Variants in CUL2 observed in about 807,000 individuals in gnomAD.
The protein encoded by CUL2 is cullin-2.
A neutral mutation model predicts 110.2 loss-of-function variants in CUL2; 22 were observed. That is an observed-to-expected ratio of 0.20 (90% CI 0.14 to 0.28). The LOEUF is 0.28. Among genes scored for constraint, CUL2 ranks in the 10% least tolerant of loss-of-function variants. The pLI, the probability that CUL2 is intolerant of heterozygous loss-of-function variation, is 1.00. For missense variants in CUL2, 631 were observed against 905.5 expected (o/e 0.70, Z 3.89); for synonymous variants, 279 against 293.2 (o/e 0.95, Z 0.49).
upstream of CUL2, among the ~76,000 whole-genome samples, chr10:35,092,447 A>G (rs1421156904): frequency 6.6e-6 from 1 of 152,220 alleles, no homozygotes; most frequent in African/African-American, 2.4e-5. Context: ...GATGAAGCGG[A>G]AGCATTAATT....
At chr10:35,102,768 G>A (rs988933266) in intron 1 of CUL2, among the ~76,000 whole-genome samples, 3 of 148,460 alleles carry the variant, frequency 2.0e-5, no homozygotes, top group African/African-American at 5.0e-5. Context: ...CTGTAATCCC[G>A]GCTACTCGGG....
chr10:35,042,270 GTGTC>G (rs1470315000), intron 8 of CUL2, among the ~76,000 whole-genome samples: 12 of 152,034 alleles, frequency 7.9e-5, no homozygotes, highest in Non-Finnish European at 1.0e-4. Flanking sequence ...TTGCCCTTTT[GTGTC>G]TGTCTTTTTC....
chr10:35,074,178 CA>C, intron 1 of CUL2: 3 of 1,535,212 alleles, frequency 2.0e-6, no homozygotes, highest in African/African-American at 1.4e-5. Context: ...ATCAAAGACA[CA>C]AAAATAACCT....
intron 8 of CUL2, 132 bp from the exon 9 acceptor site, chr10:35,039,214 G>T: frequency 2.0e-6 from 1 of 494,804 alleles, no homozygotes. Flanking sequence ...GGTTACATAA[G>T]CAATTTAAAC....
intron 17 of CUL2, among the ~76,000 whole-genome samples, chr10:35,019,593 TAA>T (rs894530916): frequency 2.6e-5 from 4 of 152,170 alleles, no homozygotes; most frequent in African/African-American, 9.7e-5. Flanking sequence ...TGGCAAACCC[TAA>T]GAGACTAAAA....
chr10:35,070,859 C>T (rs928653130), intron 2 of CUL2, among the ~76,000 whole-genome samples: 92 of 152,152 alleles, frequency 6.0e-4, no homozygotes, highest in South Asian at 2.1e-4. Flanking sequence ...TCATTTATCA[C>T]GACCTCTTCT....
intron 5 of CUL2, among the ~76,000 whole-genome samples, chr10:35,051,562 G>C (rs1385086683): frequency 1.3e-5 from 2 of 152,172 alleles, no homozygotes; most frequent in African/African-American, 2.4e-5. Context: ...GCAGTGAGCC[G>C]AGATCGTGCC....
intron 17 of CUL2, among the ~76,000 whole-genome samples, chr10:35,018,900 T>C (rs2085115068): frequency 1.3e-5 from 2 of 152,154 alleles, no homozygotes; most frequent in Admixed American, 6.5e-5. Context: ...GAAACATTTT[T>C]CAGAATTATC....
chr10:35,038,923 T>A lies in CUL2; in HGVS notation c.874A>T (p.Asn292Tyr), dbSNP rs201197680. 6.3e-7 allele frequency: 1 copy of A among 1,583,578 alleles called. No individual in the cohort carries two copies. Among genetic ancestry groups the A allele is most frequent in the South Asian group, 1.2e-5 (1 of 85,880 alleles). The part of the protein sequence containing the change: ...CHNIIRQEKK[N>Y]DMANMYVLLR... ...ACTCATGTTTGGTGTCACTTACCATTTTTTTTCTCTTGTCGAATTATATTA... is the reference window on the plus strand; with the variant it reads ...ACTCATGTTTGGTGTCACTTACCATATTTTTTCTCTTGTCGAATTATATTA... Residue 292 changes from asparagine (N) to tyrosine (Y), a missense_variant, in exon 9 of 21, where the codon AAT (asparagine) becomes TAT (tyrosine). Physicochemically the swap from Asn to Tyr is moderately radical, Grantham distance 143 (BLOSUM62 -2). Transcript: ENST00000374749.
chr10:35,010,374 C>A lies in CUL2; in HGVS notation c.2175G>T (p.Leu725=). The A allele has an allele frequency of 6.2e-7, 1 of 1,612,526 alleles. No individual in the cohort carries two copies. The highest frequency in any genetic ancestry group is 8.5e-7 in the Non-Finnish European group (1 of 1,179,370). ...ISMIKKCIEV[L]IDKQYIERSQ... Reference sequence around the variant, plus strand: ...TGCGTTCTATGTATTGTTTGTCTATCAGAACTTCAATACACTTCTTAATCA... The same window carrying A: ...TGCGTTCTATGTATTGTTTGTCTATAAGAACTTCAATACACTTCTTAATCA... The change falls in exon 21 of 21, where the codon CTG becomes CTT. Residue 725 remains leucine (L), a synonymous_variant. Coordinates refer to ENST00000374749, the MANE Select transcript of CUL2 (RefSeq NM_003591.4).
At chr10:35,061,016 T>G (rs1210544784) in intron 3 of CUL2, 48 bp from the exon 4 acceptor site, 1 of 1,549,028 alleles carries the variant, frequency 6.5e-7, no homozygotes, top group East Asian at 2.3e-5. Context: ...ATAATCATTT[T>G]CACTGTCAAC....
Position 35,086,516 on chromosome 10 carries a change from G to A in CUL2, c.-23+3663C>T, listed in dbSNP as rs571593045. ...TGCCCAAGCTGGTCTCAAGCTGCTG[G>A]GCTCAAGTGATCCACCCACCTCAAC... On this transcript the variant is annotated intron_variant, in intron 1 of 20. Coordinates refer to ENST00000374749, the MANE Select transcript of CUL2 (RefSeq NM_003591.4). Among the ~76,000 whole-genome samples the A allele has an allele frequency of 2.0e-5, 3 of 152,108 alleles. No individual in the cohort carries two copies. In the East Asian group the frequency reaches 5.8e-4, roughly 29 times the overall value.
chr10:35,115,297 C>T (rs1470245083), intron 1 of CUL2, among the ~76,000 whole-genome samples: 1 of 152,130 alleles, frequency 6.6e-6, no homozygotes, highest in African/African-American at 2.4e-5. Context: ...TGCAGTGGCT[C>T]ACACCTGTAA....
At chr10:35,041,535 T>G (rs1038238201) in intron 8 of CUL2, among the ~76,000 whole-genome samples, 9 of 136,388 alleles carry the variant, frequency 6.6e-5, no homozygotes, top group African/African-American at 2.3e-4. Context: ...TGAAATGAGC[T>G]TTTCTTTTTC....
intron 1 of CUL2, among the ~76,000 whole-genome samples, chr10:35,115,570 A>T (rs1671324357): frequency 6.6e-6 from 1 of 151,900 alleles, no homozygotes; most frequent in Admixed American, 6.6e-5. Flanking sequence ...AAAAGAAAAT[A>T]TTAACAAGGG....
At chr10:35,034,237 G>C (rs2134736870) in intron 10 of CUL2, among the ~76,000 whole-genome samples, 1 of 152,284 alleles carries the variant, frequency 6.6e-6, no homozygotes, top group South Asian at 2.1e-4. Flanking sequence ...AATGTCATTG[G>C]ACATGGAATC....
chr10:35,054,803 C>G (rs991567960), intron 4 of CUL2, among the ~76,000 whole-genome samples: 1 of 152,154 alleles, frequency 6.6e-6, no homozygotes, highest in African/African-American at 2.4e-5. Context: ...ATCTCGTTTG[C>G]TACTTCCCAG....
At chr10:35,048,209 T>G (rs1241823396) in intron 6 of CUL2, among the ~76,000 whole-genome samples, 2 of 130,144 alleles carry the variant, frequency 1.5e-5, no homozygotes, top group Non-Finnish European at 3.4e-5. Flanking sequence ...AACTTTAACA[T>G]GCAAAACTCT....
At position 35,031,389 on chromosome 10, in the gene CUL2, A is replaced by G. The variant is rs1325410619; in HGVS notation, c.1300-3T>C. ...TTTGCCAGCATTCTTGCGTAGAACT[A>G]CATTTAAAAATATTTTAAAAGATTA... On this transcript the variant is annotated splice_polypyrimidine_tract_variant and splice_region_variant and intron_variant, in intron 13 of 20. Coordinates refer to ENST00000374749, the MANE Select transcript of CUL2 (RefSeq NM_003591.4). This position sits in a 1 kb window ranked among gnomAD's most constrained non-coding sequence, Gnocchi z 4.4. 9 of 1,604,410 alleles carry G rather than the reference A, an allele frequency of 5.6e-6. No individual in the cohort carries two copies. The East Asian group carries it at 2.0e-4, about 36-fold the overall frequency.
Sources: allele counts gnomAD v4.1 joint callset (sites outside exome capture counted in the v4.1 genomes callset), GRCh38; gene constraint gnomAD v4.1.1; non-coding constraint Gnocchi (gnomAD v3.1); transcripts MANE v1.5; gene names NCBI Gene and HGNC (gene_info 2026-07-23, HGNC 2026-07-21).